The following VAT1L variants were observed in gnomAD, a reference collection of about 807,000 sequenced individuals.
VAT1L encodes vesicle amine transport 1 like, also known as putative NADPH-dependent quinone oxidoreductase VAT1L.
A neutral mutation model predicts 44.1 loss-of-function variants in VAT1L; 34 were observed. That is an observed-to-expected ratio of 0.77 (90% CI 0.59 to 1.03). The LOEUF (loss-of-function observed/expected upper bound fraction) is 1.03. Ranked by LOEUF, VAT1L falls within the 50% of genes least tolerant of loss-of-function variation. The pLI, the probability that VAT1L is intolerant of heterozygous loss-of-function variation, is 0.00. For synonymous variants in VAT1L, 253 were observed against 202.2 expected (o/e 1.25, Z -2.13); for missense variants, 615 against 538.8 (o/e 1.14, Z -1.40).
At chr16:77,828,622 C>T (rs1159791942) in intron 3 of VAT1L, among the ~76,000 whole-genome samples, 2 of 151,788 alleles carry the variant, frequency 1.3e-5, no homozygotes, top group African/African-American at 4.8e-5. Context: ...GAGATCGTGC[C>T]ACTGCACTCC....
At chr16:77,802,615 AAC>A (rs57906062) in intron 1 of VAT1L, among the ~76,000 whole-genome samples, 4,701 of 111,730 alleles carry the variant, frequency 0.042, 71 homozygotes, top group African/African-American at 0.063. Flanking sequence ...CCCCATCTCA[AAC>A]ACACACACAC....
intron 7 of VAT1L, among the ~76,000 whole-genome samples, chr16:77,936,276 A>C (rs758514455): frequency 6.6e-6 from 1 of 152,184 alleles, no homozygotes; most frequent in African/African-American, 2.4e-5. Flanking sequence ...TTCCTCACTT[A>C]AACCCTCTGG....
intron 3 of VAT1L, among the ~76,000 whole-genome samples, chr16:77,844,315 T>A (rs1015477105): frequency 1.6e-4 from 25 of 152,210 alleles, no homozygotes; most frequent in African/African-American, 6.0e-4. Context: ...GCATTTACAT[T>A]GTGCTAAGTA....
intron 2 of VAT1L, among the ~76,000 whole-genome samples, chr16:77,824,672 C>T (rs1164316601): frequency 1.3e-5 from 2 of 149,620 alleles, no homozygotes; most frequent in African/African-American, 2.5e-5. Flanking sequence ...AGGAGAATAG[C>T]GTGAACCCAG....
chr16:77,837,948 A>C (rs2016657892), intron 3 of VAT1L, among the ~76,000 whole-genome samples: 1 of 152,218 alleles, frequency 6.6e-6, no homozygotes, highest in Non-Finnish European at 1.5e-5. Flanking sequence ...TTACAGCCAG[A>C]AGCAAACAGG....
intron 7 of VAT1L, among the ~76,000 whole-genome samples, chr16:77,948,459 C>T (rs138650788): frequency 1.3e-5 from 2 of 152,248 alleles, no homozygotes; most frequent in East Asian, 3.9e-4. Context: ...CACAGTTGAG[C>T]ATTTGAGTGC....
intron 7 of VAT1L, among the ~76,000 whole-genome samples, chr16:77,957,836 G>T (rs2018120551): frequency 6.6e-6 from 1 of 151,408 alleles, no homozygotes; most frequent in African/African-American, 2.4e-5. Context: ...GTGTGGAATT[G>T]CAGGAGTGGT....
intron 7 of VAT1L, among the ~76,000 whole-genome samples, chr16:77,919,786 T>A (rs1427842140): frequency 6.6e-6 from 1 of 152,124 alleles, no homozygotes; most frequent in African/African-American, 2.4e-5. Context: ...TATATCTCAT[T>A]TATCTAAAAA....
rs1302652959 is a variant in VAT1L at position 77,825,396 on chromosome 16, C to A, written c.514C>A (p.Leu172Met). 1.9e-6 allele frequency: 3 copies of A among 1,613,294 alleles called. No homozygotes were observed. The African/African-American group carries it at 4.0e-5, about 21-fold the overall frequency. The change falls in exon 3 of 9, where the codon CTG (leucine) becomes ATG (methionine). Residue 172 changes from leucine to methionine, a missense_variant. By Grantham distance (15) the Leu-to-Met change is conservative. Coordinates refer to ENST00000302536, the MANE Select transcript of VAT1L (RefSeq NM_020927.3). Reference protein sequence around the residue: ...PMNFVTAYVMLFEVANLREGM... With the variant: ...PMNFVTAYVMMFEVANLREGM... The stretch of plus-strand genomic sequence containing the variant: ...GAACTTCGTCACAGCCTATGTGATG[C>A]TGTTTGAAGTTGCCAACCTCCGGGA...
intron 7 of VAT1L, among the ~76,000 whole-genome samples, chr16:77,951,177 A>G (rs895157263): frequency 1.3e-5 from 2 of 152,254 alleles, no homozygotes; most frequent in Non-Finnish European, 2.9e-5. Flanking sequence ...CAACTCCACA[A>G]AGCTCAACAA....
intron 7 of VAT1L, among the ~76,000 whole-genome samples, chr16:77,941,691 T>C (rs970756551): frequency 6.6e-6 from 1 of 152,112 alleles, no homozygotes; most frequent in Non-Finnish European, 1.5e-5. Flanking sequence ...GTTTAAGCTA[T>C]TGTCCTGCCT....
chr16:77,946,279 C>CTTTTTTTTGTTTTTTTTTTTTTTT (rs2017963874), intron 7 of VAT1L, among the ~76,000 whole-genome samples: 1 of 70,428 alleles, frequency 1.4e-5, no homozygotes, highest in African/African-American at 5.3e-5. Flanking sequence ...GTTACTTGTT[C>CTTTTTTTTGTTTTTTTTTTTTTTT]TTTTTTTTTT....
At position 77,788,838 on chromosome 16, in the gene VAT1L, G is replaced by A. The variant is rs971704141; in HGVS notation, c.156G>A (p.Gly52=). Residue 52 remains glycine (G), a synonymous_variant, in exon 1 of 9, where the codon GGG becomes GGA. Coordinates refer to ENST00000302536, the MANE Select transcript of VAT1L (RefSeq NM_020927.3). ...CGGTGGTGCTGGCTGGCTTCGGGGG[G>A]CTCAACAAGCTGCGGCTCTTCAGGA... ...MRAVVLAGFG[G]LNKLRLFRKA... is the part of the protein sequence containing the mutation. The A allele has an allele frequency of 7.0e-6, 11 of 1,579,204 alleles. No individual in the cohort carries two copies. The highest frequency in any genetic ancestry group is 4.6e-5 in the East Asian group (2 of 43,440).
At chr16:77,976,007 G>C (rs1259485196) in intron 8 of VAT1L, among the ~76,000 whole-genome samples, 1 of 152,230 alleles carries the variant, frequency 6.6e-6, no homozygotes, top group Non-Finnish European at 1.5e-5. Flanking sequence ...AAGAGCCATA[G>C]AGAAGATTAA....
At chr16:77,931,114 C>T (rs961066943) in intron 7 of VAT1L, among the ~76,000 whole-genome samples, 1 of 152,190 alleles carries the variant, frequency 6.6e-6, no homozygotes, top group Non-Finnish European at 1.5e-5. Flanking sequence ...TTCTACTCCA[C>T]AGCCAATGTC....
chr16:77,890,783 G>A (rs748218304), intron 7 of VAT1L, among the ~76,000 whole-genome samples: 1 of 152,024 alleles, frequency 6.6e-6, no homozygotes, highest in African/African-American at 2.4e-5. Context: ...TATTAGCCAG[G>A]CGTGGTGGTA....
intron 4 of VAT1L, among the ~76,000 whole-genome samples, chr16:77,865,125 C>G (rs1008902244): frequency 2.0e-5 from 3 of 151,962 alleles, no homozygotes; most frequent in African/African-American, 4.8e-5. Context: ...AGGCACCCAC[C>G]ACCACACCTG....
At position 77,879,061 on chromosome 16, in the gene VAT1L, T is replaced by C; in HGVS notation, c.827-108T>C. The C allele has an allele frequency of 8.9e-7, 1 of 1,126,108 alleles. No homozygotes were observed. The highest frequency in any genetic ancestry group is 1.3e-6 in the Non-Finnish European group (1 of 759,300). The allele number at this position is 1,126,108 out of a possible 1,614,324, so 69.8% of individuals were successfully genotyped here. ...TGCCAAGGCTTAATTAAATTTGTTT[T>C]CAAGATTTCTCCAGTTCCGGACCAA... is the stretch of plus-strand genomic sequence containing the variant. On this transcript the variant is annotated intron_variant, in intron 5 of 8. Coordinates refer to ENST00000302536, the MANE Select transcript of VAT1L (RefSeq NM_020927.3). This position sits in a 1 kb window ranked among gnomAD's most constrained non-coding sequence, Gnocchi z 4.1.
rs1278338241 is a variant in VAT1L at position 77,788,919 on chromosome 16, C to T, written c.233+4C>T. 1.3e-6 allele frequency: 2 copies of T among 1,491,370 alleles called. No individual in the cohort carries two copies. Among genetic ancestry groups the T allele is most frequent in the South Asian group, 2.7e-5 (2 of 74,490 alleles). 92.4% of individuals were successfully genotyped at this position (1,491,370 alleles called of 1,614,324 possible). The stretch of plus-strand genomic sequence containing the variant: ...TCAAGATCCGCGTCAAAGCCTGGTC[C>T]AGTATCCGCGCCTTTCTCGCTTTCT... On this transcript the variant is annotated splice_donor_region_variant and intron_variant, in intron 1 of 8. Transcript: ENST00000302536.
Sources: allele counts gnomAD v4.1 joint callset (sites outside exome capture counted in the v4.1 genomes callset), GRCh38; gene constraint gnomAD v4.1.1; non-coding constraint Gnocchi (gnomAD v3.1); transcripts MANE v1.5; gene names NCBI Gene and HGNC (gene_info 2026-07-23, HGNC 2026-07-21).